TUBA1C: variants seen among roughly 807,000 people sequenced by gnomAD.
The protein encoded by TUBA1C is tubulin alpha-1C chain.
In TUBA1C, 16 loss-of-function variants were observed where a neutral mutation model predicts 34.9. The observed-to-expected ratio is 0.46, with a 90% CI of 0.31 to 0.70. The LOEUF (loss-of-function observed/expected upper bound fraction) is 0.70. TUBA1C is among the 30% of genes least tolerant of loss of function. The pLI, the probability that TUBA1C is intolerant of heterozygous loss-of-function variation, is 0.05. For synonymous variants in TUBA1C, 177 were observed against 215.9 expected (o/e 0.82, Z 1.58); for missense variants, 329 against 587.3 (o/e 0.56, Z 4.55).
chr12:49,230,436 TC>T (rs1035962949), intron 1 of TUBA1C, among the ~76,000 whole-genome samples: 12 of 152,118 alleles, frequency 7.9e-5, no homozygotes, highest in African/African-American at 2.7e-4. Context: ...GTAGATTCGT[TC>T]CCTCTCTGCC....
rs1029477996 is a variant in TUBA1C, at chr12:49,273,201, G to A, written c.1324G>A (p.Gly442Arg). 7.4e-6 allele frequency: 12 copies of A among 1,614,070 alleles called. No homozygotes were observed. Among genetic ancestry groups the A allele is most frequent in the African/African-American group, 4.0e-5 (3 of 74,928 alleles). The change falls in exon 4 of 4, where the codon GGA becomes AGA. Residue 442 changes from glycine to arginine, a missense_variant. Gly to Arg is a moderately radical substitution (Grantham distance 125). Around this residue, in one of 4 missense-constraint regions of TUBA1C, gnomAD observed 34 missense variants for 31.8 expected, o/e 1.07. Coordinates refer to ENST00000301072, the MANE Select transcript of TUBA1C (RefSeq NM_032704.5). ...YEEVGADSAD[G>R]EDEGEEY ...GGAGGTTGGAGCAGATAGTGCTGAC[G>A]GAGAGGATGAGGGTGAAGAGTATTA...
intron 1 of TUBA1C, among the ~76,000 whole-genome samples, chr12:49,240,351 C>A (rs576884333): frequency 3.3e-5 from 5 of 150,948 alleles, no homozygotes; most frequent in African/African-American, 9.8e-5. Flanking sequence ...TCTATCTGGA[C>A]CCTAGAGTTA....
At chr12:49,251,048 T>C (rs1401148311) in intron 1 of TUBA1C, among the ~76,000 whole-genome samples, 1 of 151,484 alleles carries the variant, frequency 6.6e-6, no homozygotes, top group African/African-American at 2.4e-5. Context: ...TCAACCAAAA[T>C]GTACAAAAAT....
At chr12:49,245,198 A>C (rs976716796) in intron 1 of TUBA1C, among the ~76,000 whole-genome samples, 1 of 152,186 alleles carries the variant, frequency 6.6e-6, no homozygotes. Flanking sequence ...CAGCTATGGC[A>C]GTGTGAAGAG....
chr12:49,246,607 G>A (rs1403176061), intron 1 of TUBA1C, among the ~76,000 whole-genome samples: 5 of 151,804 alleles, frequency 3.3e-5, no homozygotes, highest in African/African-American at 7.3e-5. Flanking sequence ...CCCGGGAGGC[G>A]GAGCTTGCAG....
In TUBA1C at chr12:49,269,508, T is replaced by C. The variant is rs369325723; in HGVS notation, c.47T>C (p.Ile16Thr). 7.8e-5 allele frequency: 126 copies of C among 1,614,132 alleles called. No individual in the cohort carries two copies. The highest frequency in any genetic ancestry group is 4.9e-4 in the Middle Eastern group (3 of 6,082). ...SIHVGQAGVQ[I>T]GNACWELYCL... ...CACGTTGGCCAGGCTGGTGTCCAGA[T>C]TGGCAATGCCTGCTGGGAGCTCTAC... Residue 16 changes from isoleucine to threonine, a missense_variant, in exon 2 of 4, where the codon ATT (isoleucine) becomes ACT (threonine). Ile to Thr is a moderately conservative substitution (Grantham distance 89). Around this residue, in one of 4 missense-constraint regions of TUBA1C, gnomAD observed 152 missense variants for 240.3 expected, o/e 0.63. Transcript: ENST00000301072.
rs146839073 is a variant in TUBA1C at position 49,258,674 on chromosome 12, C to A, written c.214-10791C>A. ...AACCCCTGACCTCAGGTGATCAGCCCGCCTTGGCCTCCCAAAGTGCTAGGA... is the reference window on the plus strand; with the variant it reads ...AACCCCTGACCTCAGGTGATCAGCCAGCCTTGGCCTCCCAAAGTGCTAGGA... On this transcript the variant is annotated intron_variant, in intron 1 of 3. Transcript: ENST00000541364. Among the ~76,000 whole-genome samples, 788 of 150,672 alleles carry A rather than the reference C, an allele frequency of 5.2e-3. 4 individuals are homozygous for A. Among genetic ancestry groups the A allele is most frequent in the Admixed American group, 0.011 (159 of 15,120 alleles).
intron 1 of TUBA1C, chr12:49,257,862 A>ATTTT: frequency 1.2e-5 from 2 of 168,142 alleles, no homozygotes; most frequent in South Asian, 1.6e-4. Flanking sequence ...AAAGTTTACA[A>ATTTT]TTTTTTTTTT....
chr12:49,267,993 TAGC>T (rs1292062564), intron 1 of TUBA1C, among the ~76,000 whole-genome samples: 2 of 152,220 alleles, frequency 1.3e-5, no homozygotes, highest in Non-Finnish European at 2.9e-5. Flanking sequence ...TTATTTTACT[TAGC>T]AGGTGTGGGT....
At chr12:49,265,669 C>T (rs980071844) in intron 1 of TUBA1C, among the ~76,000 whole-genome samples, 7 of 152,210 alleles carry the variant, frequency 4.6e-5, no homozygotes, top group Non-Finnish European at 8.8e-5. Context: ...ACCTGTGGCC[C>T]TGCCCTGGGG....
Position 49,273,485 on chromosome 12 carries a change from A to C in TUBA1C, c.*258A>C. 1 of 536,924 alleles carries C rather than the reference A, an allele frequency of 1.9e-6. No individual in the cohort carries two copies. 33.3% of individuals were successfully genotyped at this position (536,924 alleles called of 1,614,324 possible). On this transcript the variant is annotated 3_prime_UTR_variant, in exon 4 of 4. Coordinates refer to ENST00000301072, the MANE Select transcript of TUBA1C (RefSeq NM_032704.5). The stretch of plus-strand genomic sequence containing the variant: ...GCTCATTGCAGCCTCGAGCTCCTGG[A>C]CTCATGTGATTCTCCTGCTTCAGCC...
At chr12:49,265,314 T>G in intron 1 of TUBA1C, 130 bp downstream of exon 1, 17 of 592,432 alleles carry the variant, frequency 2.9e-5, no homozygotes, top group Non-Finnish European at 4.0e-5. Context: ...CCGGTTAACC[T>G]GGCTTGTGGC....
intron 1 of TUBA1C, among the ~76,000 whole-genome samples, chr12:49,230,180 A>G (rs569176906): frequency 1.2e-4 from 18 of 151,878 alleles, no homozygotes; most frequent in Non-Finnish European, 2.4e-4. Flanking sequence ...TAACTCTTAC[A>G]TAGCATTCCA....
chr12:49,273,561 T>A lies in TUBA1C; in HGVS notation c.*334T>A. 1 of 379,068 alleles carries A rather than the reference T, an allele frequency of 2.6e-6. No homozygotes were observed. The highest frequency in any genetic ancestry group is 5.0e-6 in the Non-Finnish European group (1 of 199,460). The allele number at this position is 379,068 out of a possible 1,614,324, so 23.5% of individuals were successfully genotyped here. On this transcript the variant is annotated 3_prime_UTR_variant, in exon 4 of 4. Transcript: ENST00000301072. ...GCACACCACCATGCCCAGCTATTTTTATTTCTTGTAGAGATGGGGCCTTGC... is the reference window on the plus strand; with the variant it reads ...GCACACCACCATGCCCAGCTATTTTAATTTCTTGTAGAGATGGGGCCTTGC...
intron 1 of TUBA1C, among the ~76,000 whole-genome samples, chr12:49,242,698 G>C (rs1171288124): frequency 1.3e-5 from 2 of 151,942 alleles, no homozygotes; most frequent in Non-Finnish European, 2.9e-5. Context: ...GTGTTGCCCA[G>C]GCTGTTCTCA....
chr12:49,272,510 C>T lies in TUBA1C; in HGVS notation c.633C>T (p.Asp211=). 1 of 1,609,682 alleles carries T rather than the reference C, an allele frequency of 6.2e-7. No homozygotes were observed. Among genetic ancestry groups the T allele is most frequent in the Non-Finnish European group, 8.5e-7 (1 of 1,178,094 alleles). The change falls in exon 4 of 4, where the codon GAC becomes GAT. Residue 211 remains aspartate (D), a synonymous_variant. Coordinates refer to ENST00000301072, the MANE Select transcript of TUBA1C (RefSeq NM_032704.5). ...AFMVDNEAIY[D]ICRRNLDIER... is the part of the protein sequence containing the mutation. ...TGGTAGACAATGAGGCCATCTATGA[C>T]ATCTGTCGTAGAAACCTCGATATCG...
At chr12:49,263,316 T>C (rs1271679583), upstream of TUBA1C, among the ~76,000 whole-genome samples, 1 of 151,396 alleles carries the variant, frequency 6.6e-6, no homozygotes, top group Non-Finnish European at 1.5e-5. Flanking sequence ...GCGCCAGGCC[T>C]GTTGGTTGTT....
chr12:49,270,558 A>G (rs984417921), intron 3 of TUBA1C, among the ~76,000 whole-genome samples: 3 of 152,234 alleles, frequency 2.0e-5, no homozygotes, highest in Non-Finnish European at 2.9e-5. Context: ...CAAGAAAATC[A>G]CATTGTATTA....
chr12:49,247,966 G>GAGAA (rs1360038633), intron 1 of TUBA1C, among the ~76,000 whole-genome samples: 6 of 141,728 alleles, frequency 4.2e-5, no homozygotes, highest in Non-Finnish European at 9.2e-5. Flanking sequence ...AAAAAAAAGA[G>GAGAA]AGAAAGAAAG....
Sources: allele counts gnomAD v4.1 joint callset (sites outside exome capture counted in the v4.1 genomes callset), GRCh38; gene constraint gnomAD v4.1.1; regional missense constraint gnomAD v4.1.1; transcripts MANE v1.5; gene names NCBI Gene and HGNC (gene_info 2026-07-23, HGNC 2026-07-21).